LRRC4C: variants seen among roughly 807,000 people sequenced by gnomAD.
LRRC4C encodes the protein leucine-rich repeat-containing protein 4C.
A neutral mutation model predicts 33.6 loss-of-function variants in LRRC4C; 5 were observed. That is an observed-to-expected ratio of 0.15 (90% CI 0.08 to 0.31). The LOEUF (loss-of-function observed/expected upper bound fraction) is 0.31, where lower values mean the gene tolerates loss of function less well. Ranked by LOEUF, LRRC4C falls within the 10% of genes least tolerant of loss-of-function variation. The pLI, the probability that LRRC4C is intolerant of heterozygous loss-of-function variation, is 1.00. For missense variants in LRRC4C, 560 were observed against 796.7 expected, an observed-to-expected ratio of 0.70 and a Z score of 3.58; for synonymous variants, 329 against 302.0, an observed-to-expected ratio of 1.09 and a Z score of -0.93.
rs147904640 is a variant in LRRC4C at position 41,211,305 on chromosome 11, C to T, written c.-496+248126G>A. On this transcript the variant is annotated intron_variant, in intron 1 of 6. Coordinates refer to ENST00000528697, the MANE Select transcript of LRRC4C (RefSeq NM_001258419.2). The stretch of plus-strand genomic sequence containing the variant: ...ACAATCTCCCCAATTGCAAAGAGGC[C>T]AACTAATCTTTTTTTATTCATTTAT... Among the ~76,000 whole-genome samples the T allele has an allele frequency of 2.0e-4, 30 of 152,168 alleles. 1 individual carries two copies. In the East Asian group the frequency reaches 5.8e-3, roughly 29 times the overall value.
intron 1 of LRRC4C, among the ~76,000 whole-genome samples, chr11:41,198,192 T>C (rs1946262062): frequency 1.3e-5 from 2 of 152,190 alleles, no homozygotes; most frequent in South Asian, 4.1e-4. Context: ...CATACTATTA[T>C]TCCATTGTAT....
chr11:41,363,603 C>A (rs539351080), intron 1 of LRRC4C, among the ~76,000 whole-genome samples: 194 of 152,280 alleles, frequency 1.3e-3, no homozygotes, highest in Non-Finnish European at 2.4e-3. Flanking sequence ...CAGCTCCCGT[C>A]AGACTATGCT....
At chr11:41,085,928 CAAAAAAA>C (rs10717008) in intron 1 of LRRC4C, among the ~76,000 whole-genome samples, 10 of 80,192 alleles carry the variant, frequency 1.2e-4, no homozygotes, top group East Asian at 8.6e-4. Flanking sequence ...TTTAAGACAC[CAAAAAAA>C]AAAAAAAAAA....
At chr11:41,426,295 G>A (rs1021665687) in intron 1 of LRRC4C, 2 of 152,098 alleles carry the variant, frequency 1.3e-5, no homozygotes, top group Non-Finnish European at 2.9e-5. Context: ...GTTCCCTTGG[G>A]ACTTCTCAGG....
At chr11:41,195,421 A>T (rs919242183) in intron 1 of LRRC4C, among the ~76,000 whole-genome samples, 5 of 152,136 alleles carry the variant, frequency 3.3e-5, no homozygotes, top group Non-Finnish European at 5.9e-5. Flanking sequence ...ACAAAATGTC[A>T]ATTCTCAATG....
intron 2 of LRRC4C, among the ~76,000 whole-genome samples, chr11:40,901,633 A>G (rs1419391515): frequency 6.6e-6 from 1 of 152,088 alleles, no homozygotes; most frequent in Non-Finnish European, 1.5e-5. Context: ...AGAAGGAGGA[A>G]AAGTGAGACT....
At chr11:41,433,033 G>A (rs1955296190) in intron 1 of LRRC4C, among the ~76,000 whole-genome samples, 1 of 152,086 alleles carries the variant, frequency 6.6e-6, no homozygotes, top group South Asian at 2.1e-4. Flanking sequence ...TTCTACAGAA[G>A]GTCACCCTGT....
intron 2 of LRRC4C, among the ~76,000 whole-genome samples, chr11:40,815,292 C>T (rs531490209): frequency 6.6e-6 from 1 of 152,182 alleles, no homozygotes; most frequent in African/African-American, 2.4e-5. Flanking sequence ...TATTCACTAT[C>T]GTAAGAACAG....
chr11:41,011,498 T>C (rs1855175962), intron 1 of LRRC4C, among the ~76,000 whole-genome samples: 2 of 152,162 alleles, frequency 1.3e-5, no homozygotes, highest in South Asian at 4.1e-4. Context: ...TCTGTTTTTG[T>C]TATTTGCACT....
intron 5 of LRRC4C, among the ~76,000 whole-genome samples, chr11:40,218,587 T>C (rs1277245772): frequency 2.5e-5 from 1 of 39,448 alleles, no homozygotes; most frequent in Non-Finnish European, 4.7e-5. Flanking sequence ...TCTATGTATG[T>C]ATGTATGTAT....
intron 1 of LRRC4C, among the ~76,000 whole-genome samples, chr11:40,988,315 G>T (rs1459122189): frequency 6.6e-6 from 1 of 152,128 alleles, no homozygotes; most frequent in Non-Finnish European, 1.5e-5. Context: ...TGCAAAGGGA[G>T]TATGTCTTTT....
intron 2 of LRRC4C, among the ~76,000 whole-genome samples, chr11:40,745,409 G>A (rs774031179): frequency 6.6e-6 from 1 of 152,090 alleles, no homozygotes; most frequent in Non-Finnish European, 1.5e-5. Flanking sequence ...AAAGTATATT[G>A]GTATGATTAT....
At chr11:40,956,462 G>T (rs1958960024) in intron 1 of LRRC4C, among the ~76,000 whole-genome samples, 1 of 151,710 alleles carries the variant, frequency 6.6e-6, no homozygotes. Flanking sequence ...TTTAGTACAA[G>T]ATCTGCTATG....
intron 1 of LRRC4C, among the ~76,000 whole-genome samples, chr11:41,206,864 CGTAAT>C (rs1490861513): frequency 4.6e-5 from 7 of 152,040 alleles, no homozygotes; most frequent in Non-Finnish European, 1.0e-4. Context: ...AGAATGTTAA[CGTAAT>C]GTAATAAGAT....
chr11:40,835,747 C>T (rs1952641893), intron 2 of LRRC4C, among the ~76,000 whole-genome samples: 1 of 151,988 alleles, frequency 6.6e-6, no homozygotes, highest in African/African-American at 2.4e-5. Context: ...TTACAAAACA[C>T]CAAATAATTT....
chr11:41,304,534 G>GC (rs1186735169), intron 1 of LRRC4C, among the ~76,000 whole-genome samples: 24 of 111,430 alleles, frequency 2.2e-4, no homozygotes, highest in African/African-American at 8.1e-4. Flanking sequence ...GGGGGTATCA[G>GC]CCCCCCGCCC....
chr11:40,141,683 G>C (rs1441393977), intron 5 of LRRC4C, among the ~76,000 whole-genome samples: 1 of 152,108 alleles, frequency 6.6e-6, no homozygotes, highest in East Asian at 1.9e-4. Flanking sequence ...GAGTAAGTAT[G>C]GAGAGAACAA....
chr11:40,642,045 G>A lies in LRRC4C; in HGVS notation c.-270+6097C>T, dbSNP rs553950466. On this transcript the variant is annotated intron_variant, in intron 3 of 6. Coordinates refer to ENST00000528697, the MANE Select transcript of LRRC4C (RefSeq NM_001258419.2). ...GCTTTTTTTTTTTTTTTAACTCATT[G>A]TAATCATTTTGTTTTTGCTTGTGTG... Among the ~76,000 whole-genome samples the A allele has an allele frequency of 2.2e-5, 3 of 136,032 alleles. No individual in the cohort carries two copies. In the South Asian group the frequency reaches 7.0e-4, roughly 32 times the overall value. The allele number at this position is 136,032 out of a possible 152,430, so 89.2% of individuals were successfully genotyped here.
At chr11:41,017,440 T>G (rs1267048893) in intron 1 of LRRC4C, among the ~76,000 whole-genome samples, 2 of 152,188 alleles carry the variant, frequency 1.3e-5, no homozygotes, top group Non-Finnish European at 2.9e-5. Flanking sequence ...CTTCACACTT[T>G]GTTATCTTAC....
Sources: gnomAD v4.1 joint callset for allele counts (sites outside exome capture counted in the v4.1 genomes callset) on GRCh38, gnomAD v4.1.1 for gene constraint, MANE v1.5 for transcripts, NCBI Gene and HGNC (gene_info 2026-07-23, HGNC 2026-07-21) for gene names.